Variants in SPTBN2 observed in about 807,000 individuals in gnomAD.
The protein encoded by SPTBN2 is spectrin beta, non-erythrocytic 2.
Under a neutral mutation model 284.2 loss-of-function variants are expected in SPTBN2, and 107 were observed. The observed-to-expected ratio is 0.38, with a 90% CI of 0.32 to 0.44. The LOEUF is 0.44. SPTBN2 is among the 20% of genes least tolerant of loss of function. SPTBN2 has a pLI of 1.00. For missense variants in SPTBN2, 2,569 were observed against 3,287.1 expected (o/e 0.78, Z 5.34); for synonymous variants, 1,289 against 1,354.8 (o/e 0.95, Z 1.07).
intron 3 of SPTBN2, among the ~76,000 whole-genome samples, chr11:66,720,122 C>T (rs1319386223): frequency 1.3e-5 from 2 of 152,210 alleles, no homozygotes; most frequent in Admixed American, 1.3e-4. Flanking sequence ...TTGTAAAAAA[C>T]ATCCCTGGGT....
At position 66,696,279 on chromosome 11, in the gene SPTBN2, G is replaced by T; in HGVS notation, c.4276C>A (p.Gln1426Lys). Residue 1426 changes from glutamine to lysine, a missense_variant and splice_region_variant, in exon 21 of 38, where the codon CAG (glutamine) becomes AAG (lysine). Physicochemically the swap from Gln to Lys is moderately conservative, Grantham distance 53 (BLOSUM62 1). Coordinates refer to ENST00000533211, the MANE Select transcript of SPTBN2 (RefSeq NM_006946.4). ...CCCATCAAAGGCCCACAGCACACCTGCTGCTTCTTGAGCAGGATGTTGACG... is the reference window on the plus strand; with the variant it reads ...CCCATCAAAGGCCCACAGCACACCTTCTGCTTCTTGAGCAGGATGTTGACG... ...TSVNILLKKQ[Q>K]MLEWEMAVRE... The T allele has an allele frequency of 6.2e-7, 1 of 1,611,212 alleles. No homozygotes were observed.
chr11:66,718,949 G>A lies in SPTBN2; in HGVS notation c.157+2135C>T, dbSNP rs1008709638. On this transcript the variant is annotated intron_variant, in intron 3 of 37. Coordinates refer to ENST00000533211, the MANE Select transcript of SPTBN2 (RefSeq NM_006946.4). This position sits in a 1 kb window ranked among gnomAD's most constrained non-coding sequence, Gnocchi z 4.8. ...GGCGGCGGAGGAGGGCACTGCCAGC[G>A]CCTTCAAGACCCGCCCATCAGGCCC... Among the ~76,000 whole-genome samples, 8 of 152,324 alleles carry A rather than the reference G, an allele frequency of 5.3e-5. No individual in the cohort carries two copies. The South Asian group carries it at 1.0e-3, about 20-fold the overall frequency.
rs879792636 is a variant in SPTBN2 at position 66,718,912 on chromosome 11, C to G, written c.157+2172G>C. On this transcript the variant is annotated intron_variant, in intron 3 of 37. Transcript: ENST00000533211. The surrounding 1 kb of genome is among the most constrained non-coding windows in gnomAD (Gnocchi z 4.8). ...GGAGTGTGGCCGGCGGGGGCAGGGCCAGGCCCTGCGGGGCGGCGGAGGAGG... is the reference window on the plus strand; with the variant it reads ...GGAGTGTGGCCGGCGGGGGCAGGGCGAGGCCCTGCGGGGCGGCGGAGGAGG... Among the ~76,000 whole-genome samples, 27 of 152,198 alleles carry G rather than the reference C, an allele frequency of 1.8e-4. No individual in the cohort carries two copies. Among genetic ancestry groups the G allele is most frequent in the Admixed American group, 5.2e-4 (8 of 15,280 alleles).
intron 8 of SPTBN2, 80 bp downstream of exon 8, chr11:66,713,551 C>A: frequency 9.2e-7 from 1 of 1,084,496 alleles, no homozygotes; most frequent in Admixed American, 1.7e-5. Flanking sequence ...CATGTCTTCC[C>A]CCTCCGCAGC....
At chr11:66,706,950 G>T (rs1300866047) in intron 13 of SPTBN2, among the ~76,000 whole-genome samples, 2 of 152,220 alleles carry the variant, frequency 1.3e-5, no homozygotes, top group Non-Finnish European at 2.9e-5. Context: ...TCACTTTAAA[G>T]GATCCATGTT....
At chr11:66,716,254 C>T (rs552611917) in intron 3 of SPTBN2, among the ~76,000 whole-genome samples, 4 of 152,222 alleles carry the variant, frequency 2.6e-5, no homozygotes, top group South Asian at 2.1e-4. Flanking sequence ...GAAGCCAAGG[C>T]GGGCGGATCA....
intron 3 of SPTBN2, among the ~76,000 whole-genome samples, chr11:66,720,687 T>C (rs536173671): frequency 1.3e-5 from 2 of 151,758 alleles, no homozygotes; most frequent in South Asian, 4.2e-4. Context: ...TGGGAACAGG[T>C]GTGGGAAATG....
chr11:66,730,999 G>A (rs915854323), upstream of SPTBN2, among the ~76,000 whole-genome samples: 6 of 152,114 alleles, frequency 3.9e-5, no homozygotes, highest in African/African-American at 1.4e-4. Flanking sequence ...GACTCCTTGG[G>A]TTTAAAACAT....
intron 1 of SPTBN2, among the ~76,000 whole-genome samples, chr11:66,727,101 T>C (rs997550756): frequency 2.6e-5 from 4 of 152,182 alleles, no homozygotes; most frequent in African/African-American, 9.7e-5. Flanking sequence ...TCCCTTGCTA[T>C]CTCCCTTCCC....
intron 15 of SPTBN2, among the ~76,000 whole-genome samples, chr11:66,703,063 A>T (rs980940641): frequency 6.6e-6 from 1 of 151,714 alleles, no homozygotes; most frequent in African/African-American, 2.4e-5. Context: ...ACTAAAAAAA[A>T]TCTTTAATTA....
rs1005345714 is a variant in SPTBN2, at chr11:66,693,933, G to A, written c.4504-72C>T. 2.1e-6 allele frequency: 3 copies of A among 1,434,792 alleles called. No homozygotes were observed. Among genetic ancestry groups the A allele is most frequent in the Non-Finnish European group, 2.9e-6 (3 of 1,035,526 alleles). The allele number at this position is 1,434,792 out of a possible 1,614,324, so 88.9% of individuals were successfully genotyped here. ...GCAGCAGGGACTGATTAGTGGGAGT[G>A]GGGACACCTGGGGCTACCGCCCTGT... On this transcript the variant is annotated intron_variant, in intron 22 of 37. Transcript: ENST00000533211. The surrounding 1 kb of genome is among the most constrained non-coding windows in gnomAD (Gnocchi z 5.7).
chr11:66,734,402 C>T (rs756767874), intron 1 of SPTBN2, among the ~76,000 whole-genome samples: 1 of 152,142 alleles, frequency 6.6e-6, no homozygotes, highest in Non-Finnish European at 1.5e-5. Context: ...GCACACCCTG[C>T]TTACCTCTCC....
Position 66,714,100 on chromosome 11 carries a change from T to A in SPTBN2, c.647A>T (p.His216Leu). The stretch of plus-strand genomic sequence containing the variant: ...AACCCCATCTTCTCACCGGTGTTTA[T>A]GCACGATGGCGTTGAAAGCTAGTCC... The part of the protein sequence containing the change: ...RDGLAFNAIV[H>L]KHRPDLLDFE... Residue 216 changes from histidine (H) to leucine (L), a missense_variant, in exon 7 of 38, where the codon CAT becomes CTT. Transcript: ENST00000533211. The A allele has an allele frequency of 6.2e-7, 1 of 1,614,108 alleles. No homozygotes were observed. Among genetic ancestry groups the A allele is most frequent in the Non-Finnish European group, 8.5e-7 (1 of 1,179,948 alleles).
chr11:66,684,783 TC>T lies in SPTBN2; in HGVS notation c.*1087del, dbSNP rs1940003778. 6.6e-6 allele frequency among the ~76,000 whole-genome samples: 1 copy of T among 152,126 alleles called. No homozygotes were observed. Among genetic ancestry groups the T allele is most frequent in the African/African-American group, 2.4e-5 (1 of 41,406 alleles). On this transcript the variant is annotated 3_prime_UTR_variant, in exon 38 of 38. Transcript: ENST00000533211. ...CCACTTCTCAGATCCCTGTCTGAGG[TC>T]CCTTGATCTACTGGAGAGCAGACGG...
intron 3 of SPTBN2, among the ~76,000 whole-genome samples, chr11:66,719,351 C>T (rs1237161665): frequency 3.3e-5 from 5 of 152,376 alleles, no homozygotes; most frequent in Non-Finnish European, 4.4e-5. Flanking sequence ...CGCTGCTGGG[C>T]ACATATACCA....
intron 30 of SPTBN2, 31 bp downstream of exon 30, chr11:66,689,065 C>T: frequency 6.3e-7 from 1 of 1,587,308 alleles, no homozygotes; most frequent in Non-Finnish European, 8.6e-7. Context: ...CCCCACTCCC[C>T]ACAGGGCCTG....
chr11:66,693,798 C>T lies in SPTBN2; in HGVS notation c.4567G>A (p.Val1523Ile), dbSNP rs776851272. 1.9e-6 allele frequency: 3 copies of T among 1,613,622 alleles called. No homozygotes were observed. The highest frequency in any genetic ancestry group is 2.2e-5 in the East Asian group (1 of 44,880). The change falls in exon 23 of 38, where the codon GTC becomes ATC. Residue 1523 changes from valine (V) to isoleucine (I), a missense_variant. By Grantham distance (29) the Val-to-Ile change is conservative. Coordinates refer to ENST00000533211, the MANE Select transcript of SPTBN2 (RefSeq NM_006946.4). This position sits in a 1 kb window ranked among gnomAD's most constrained non-coding sequence, Gnocchi z 5.7. Reference protein sequence around the residue: ...SMEHGKDLPSVQLLMKKNQTL... With the variant: ...SMEHGKDLPSIQLLMKKNQTL... Reference sequence around the variant, plus strand: ...TGGTTTTTCTTCATGAGAAGCTGGACGCTGGGCAGGTCCTTGCCATGCTCC... The same window carrying T: ...TGGTTTTTCTTCATGAGAAGCTGGATGCTGGGCAGGTCCTTGCCATGCTCC...
In SPTBN2 at chr11:66,701,621, C is replaced by T. The variant is rs766125112; in HGVS notation, c.2779G>A (p.Asp927Asn). Residue 927 changes from aspartate (D) to asparagine (N), a missense_variant, in exon 16 of 38, where the codon GAC (aspartate) becomes AAC (asparagine). Asp to Asn is a conservative substitution (Grantham distance 23). Around this residue, in one of 6 missense-constraint regions of SPTBN2, gnomAD observed 1,012 missense variants for 1,248.9 expected, o/e 0.81. Transcript: ENST00000533211. ...QLLKANPPGK[D>N]RIVNTQEQLN... ...TGCTCCTGGGTGTTGACAATGCGGT[C>T]TTTGCCTGGGGGGTTGGCCTTCAGT... 1 of 1,614,124 alleles carries T rather than the reference C, an allele frequency of 6.2e-7. No individual in the cohort carries two copies. Among genetic ancestry groups the T allele is most frequent in the Admixed American group, 1.7e-5 (1 of 59,998 alleles).
At position 66,721,443 on chromosome 11, in the gene SPTBN2, G is replaced by A. The variant is rs1339939977; in HGVS notation, c.-113-3C>T. On this transcript the variant is annotated splice_region_variant and splice_polypyrimidine_tract_variant and intron_variant, in intron 1 of 37. Transcript: ENST00000533211. Reference sequence around the variant, plus strand: ...AGAGGGGAAGCCACCTGGGAAGCCTGGGGACGGGAATACATCAGAAGCACA... The same window carrying A: ...AGAGGGGAAGCCACCTGGGAAGCCTAGGGACGGGAATACATCAGAAGCACA... 4.5e-6 allele frequency: 3 copies of A among 672,092 alleles called. No individual in the cohort carries two copies. Among genetic ancestry groups the A allele is most frequent in the African/African-American group, 1.8e-5 (1 of 56,160 alleles). The allele number at this position is 672,092 out of a possible 1,614,324, so 41.6% of individuals were successfully genotyped here.
Sources: allele counts gnomAD v4.1 joint callset (sites outside exome capture counted in the v4.1 genomes callset), GRCh38; gene constraint gnomAD v4.1.1; regional missense constraint gnomAD v4.1.1; non-coding constraint Gnocchi (gnomAD v3.1); transcripts MANE v1.5; gene names NCBI Gene and HGNC (gene_info 2026-07-23, HGNC 2026-07-21).